Variants in ATP5MC3 observed in about 807,000 individuals in gnomAD.
ATP5MC3 encodes the protein ATP synthase membrane subunit c locus 3, also known as ATP synthase F(0) complex subunit C3, mitochondrial.
A neutral mutation model predicts 15.6 loss-of-function variants in ATP5MC3; 6 were observed. The ratio of observed to expected loss-of-function variants is 0.38; its 90% CI spans 0.21 to 0.76. The LOEUF (loss-of-function observed/expected upper bound fraction) is 0.76, where lower values mean the gene tolerates loss of function less well. ATP5MC3 is among the 30% of genes least tolerant of loss of function. The probability of loss-of-function intolerance (pLI) is 0.44; values close to 1 mark genes in which losing one functional copy is unlikely to be tolerated. For synonymous variants in ATP5MC3, 66 were observed against 63.3 expected, an observed-to-expected ratio of 1.04 and a Z score of -0.20; for missense variants, 132 against 171.2, an observed-to-expected ratio of 0.77 and a Z score of 1.28.
At chr2:175,179,983 G>T in intron 3 of ATP5MC3, 115 bp downstream of exon 3, 1 of 854,218 alleles carries the variant, frequency 1.2e-6, no homozygotes. Flanking sequence ...TTGGATAAAA[G>T]GGTGGGAAAG....
In ATP5MC3 at chr2:175,179,269, A is replaced by C. The variant is rs1354704218; in HGVS notation, c.121-19T>G. 6.3e-7 allele frequency: 1 copy of C among 1,593,992 alleles called. No homozygotes were observed. On this transcript the variant is annotated intron_variant, in intron 3 of 4. Transcript: ENST00000284727. ...TAGAGCCCTGGAAAACAGAAAATAA[A>C]GGTAAAGGTCGTATCAGTAACCACA...
Position 175,176,463 on chromosome 2 carries a change from A to G in ATP5MC3, c.*1825T>C, listed in dbSNP as rs1230605422. ...ATATTTACAATGTTGTGCAACCATC[A>G]CCACTAATTCATCAAATTTTAATAA... is the stretch of plus-strand genomic sequence containing the variant. On this transcript the variant is annotated 3_prime_UTR_variant, in exon 5 of 5. Transcript: ENST00000284727. The G allele has an allele frequency of 6.6e-6, 1 of 152,148 alleles. No homozygotes were observed. Among genetic ancestry groups the G allele is most frequent in the East Asian group, 1.9e-4 (1 of 5,200 alleles). 9.4% of individuals were successfully genotyped at this position (152,148 alleles called of 1,614,324 possible).
Position 175,178,069 on chromosome 2 carries a change from G to T in ATP5MC3, c.*219C>A. 1 of 787,416 alleles carries T rather than the reference G, an allele frequency of 1.3e-6. No individual in the cohort carries two copies. The highest frequency in any genetic ancestry group is 1.8e-6 in the Non-Finnish European group (1 of 564,578). The allele number at this position is 787,416 out of a possible 1,614,324, so 48.8% of individuals were successfully genotyped here. On this transcript the variant is annotated 3_prime_UTR_variant, in exon 5 of 5. Coordinates refer to ENST00000284727, the MANE Select transcript of ATP5MC3 (RefSeq NM_001689.5). Reference sequence around the variant, plus strand: ...CAACTGCTGTAGCTTCCTCTGAATGGGACAGCATCTGCCTGAATGCACGTT... The same window carrying T: ...CAACTGCTGTAGCTTCCTCTGAATGTGACAGCATCTGCCTGAATGCACGTT...
rs1700700535 is a variant in ATP5MC3, at chr2:175,177,244, TC to T, written c.*1043del. 1 of 152,150 alleles carries T rather than the reference TC, an allele frequency of 6.6e-6. No individual in the cohort carries two copies. The highest frequency in any genetic ancestry group is 2.4e-5 in the African/African-American group (1 of 41,450). 9.4% of individuals were successfully genotyped at this position (152,150 alleles called of 1,614,324 possible). ...GCACTGATTCTGATGGAGGTGGTCT[TC>T]CGACACTTGAGGAACTTTGGTGACT... On this transcript the variant is annotated 3_prime_UTR_variant, in exon 5 of 5. Transcript: ENST00000284727.
rs887956941 is a variant in ATP5MC3 at position 175,180,156 on chromosome 2, G to A, written c.62C>T (p.Ala21Val). The A allele has an allele frequency of 1.3e-6, 2 of 1,597,002 alleles. No individual in the cohort carries two copies. The highest frequency in any genetic ancestry group is 1.7e-6 in the Non-Finnish European group (2 of 1,176,022). Residue 21 changes from alanine (A) to valine (V), a missense_variant, in exon 3 of 5, where the codon GCA (alanine) becomes GTA (valine). This residue lies in a region of ATP5MC3 where 90 missense variants were observed against 86.2 expected (regional missense o/e 1.04). Coordinates refer to ENST00000284727, the MANE Select transcript of ATP5MC3 (RefSeq NM_001689.5). ...PSLIRAGSRV[A>V]YRPISASVLS... ...CACTGATGCAGAAATTGGTCTGTATGCAACTCTGGATCCAGCTCGGATCTA... is the reference window on the plus strand; with the variant it reads ...CACTGATGCAGAAATTGGTCTGTATACAACTCTGGATCCAGCTCGGATCTA...
chr2:175,181,181 G>A (rs1233632713), intron 2 of ATP5MC3, among the ~76,000 whole-genome samples, 174 bp downstream of exon 2: 2 of 152,250 alleles, frequency 1.3e-5, no homozygotes, highest in Non-Finnish European at 1.5e-5. Context: ...GGCAAGGAGA[G>A]GGCTGAGATG....
rs538162463 is a variant in ATP5MC3, at chr2:175,180,711, C to G, written c.40-533G>C. ...AAATATCTGACCATAAGGACATATT[C>G]CAGTCCAACTTCTCTGCCCTTGAGT... On this transcript the variant is annotated intron_variant, in intron 2 of 4. Transcript: ENST00000284727. Among the ~76,000 whole-genome samples, 3 of 152,300 alleles carry G rather than the reference C, an allele frequency of 2.0e-5. No individual in the cohort carries two copies. The South Asian group carries it at 6.2e-4, about 32-fold the overall frequency.
In ATP5MC3 at chr2:175,176,420, A is replaced by T. The variant is rs185020702; in HGVS notation, c.*1868T>A. The T allele has an allele frequency of 6.6e-6, 1 of 152,314 alleles. No individual in the cohort carries two copies. The highest frequency in any genetic ancestry group is 1.5e-5 in the Non-Finnish European group (1 of 68,030). The allele number at this position is 152,314 out of a possible 1,614,324, so 9.4% of individuals were successfully genotyped here. A position where few individuals can be genotyped will look rare whatever the true frequency, so the allele number is the denominator to read the frequency against. ...CCATTTTAACCACCTTAAAGTGTAC[A>T]ATTCAGTGACATTTATTATATTTAC... On this transcript the variant is annotated 3_prime_UTR_variant, in exon 5 of 5. Coordinates refer to ENST00000284727, the MANE Select transcript of ATP5MC3 (RefSeq NM_001689.5).
intron 4 of ATP5MC3, chr2:175,178,751 A>G (rs1315362345): frequency 2.6e-6 from 3 of 1,165,578 alleles, no homozygotes; most frequent in Non-Finnish European, 2.1e-6. Context: ...TTTATTCCCA[A>G]AATAGCTTAA....
At position 175,179,171 on chromosome 2, in the gene ATP5MC3, C is replaced by T. The variant is rs1291088912; in HGVS notation, c.200G>A (p.Arg67Lys). The T allele has an allele frequency of 6.2e-7, 1 of 1,614,216 alleles. No homozygotes were observed. Among genetic ancestry groups the T allele is most frequent in the Non-Finnish European group, 8.5e-7 (1 of 1,180,038 alleles). ...QREFQTSAIS[R>K]DIDTAAKFIG... is the part of the protein sequence containing the mutation. Reference sequence around the variant, plus strand: ...AAATTTGGCAGCAGTATCAATGTCTCTGCTGATTGCACTGGTCTGAAACTC... The same window carrying T: ...AAATTTGGCAGCAGTATCAATGTCTTTGCTGATTGCACTGGTCTGAAACTC... The change falls in exon 4 of 5, where the codon AGA becomes AAA. Residue 67 changes from arginine (R) to lysine (K), a missense_variant. Arg to Lys is a conservative substitution (Grantham distance 26). Around this residue, in one of 2 missense-constraint regions of ATP5MC3, gnomAD observed 90 missense variants for 86.2 expected, o/e 1.04. Transcript: ENST00000284727.
intron 3 of ATP5MC3, 170 bp downstream of exon 3, chr2:175,179,928 A>G (rs1446906962): frequency 7.3e-6 from 4 of 551,346 alleles, no homozygotes; most frequent in Non-Finnish European, 1.2e-5. Flanking sequence ...TATTCGTCTC[A>G]TCTAGTTTTT....
intron 3 of ATP5MC3, chr2:175,179,755 T>G (rs1257852684): frequency 9.0e-6 from 2 of 221,428 alleles, no homozygotes; most frequent in Non-Finnish European, 1.8e-5. Context: ...TCCTCCCTCC[T>G]TGGCCTCCCA....
rs1270316347 is a variant in ATP5MC3 at position 175,176,432 on chromosome 2, T to G, written c.*1856A>C. ...CCTTAAAGTGTACAATTCAGTGACA[T>G]TTATTATATTTACAATGTTGTGCAA... On this transcript the variant is annotated 3_prime_UTR_variant, in exon 5 of 5. Transcript: ENST00000284727. The G allele has an allele frequency of 6.6e-6, 1 of 152,180 alleles. No individual in the cohort carries two copies. The allele number at this position is 152,180 out of a possible 1,614,324, so 9.4% of individuals were successfully genotyped here.
chr2:175,176,802 T>C lies in ATP5MC3; in HGVS notation c.*1486A>G, dbSNP rs1700689633. ...AGGGTTCACTCACATCTATTCATTA[T>C]GTATCAGTGCCTCATTCCTTTTCAT... On this transcript the variant is annotated 3_prime_UTR_variant, in exon 5 of 5. Coordinates refer to ENST00000284727, the MANE Select transcript of ATP5MC3 (RefSeq NM_001689.5). 1 of 152,254 alleles carries C rather than the reference T, an allele frequency of 6.6e-6. No individual in the cohort carries two copies. The highest frequency in any genetic ancestry group is 2.4e-5 in the African/African-American group (1 of 41,468). The allele number at this position is 152,254 out of a possible 1,614,324, so 9.4% of individuals were successfully genotyped here.
rs377057593 is a variant in ATP5MC3, at chr2:175,179,794, C to T, written c.120+304G>A. Reference sequence around the variant, plus strand: ...TGCTAGGAACACAGGTGTGAGCCACCGCATCCAGTCCAATAGAGTACATTT... The same window carrying T: ...TGCTAGGAACACAGGTGTGAGCCACTGCATCCAGTCCAATAGAGTACATTT... On this transcript the variant is annotated intron_variant, in intron 3 of 4. Coordinates refer to ENST00000284727, the MANE Select transcript of ATP5MC3 (RefSeq NM_001689.5). 3.4e-3 allele frequency: 1,012 copies of T among 294,210 alleles called. 36 individuals carry two copies. In the South Asian group the frequency reaches 0.042, roughly 12 times the overall value. The allele number at this position is 294,210 out of a possible 1,614,324, so 18.2% of individuals were successfully genotyped here.
chr2:175,180,565 T>C (rs1700754782), intron 2 of ATP5MC3, among the ~76,000 whole-genome samples: 2 of 152,176 alleles, frequency 1.3e-5, no homozygotes, highest in Admixed American at 6.5e-5. Flanking sequence ...TCATTCAAAA[T>C]AGCCCAGCAG....
intron 3 of ATP5MC3, chr2:175,179,709 G>T: frequency 4.7e-6 from 1 of 214,040 alleles, no homozygotes; most frequent in Non-Finnish European, 9.2e-6. Context: ...CTTACTATGT[G>T]GCCCAGGCTG....
intron 2 of ATP5MC3, 95 bp downstream of exon 2, chr2:175,181,260 G>T: frequency 1.4e-6 from 2 of 1,445,614 alleles, no homozygotes; most frequent in Non-Finnish European, 1.9e-6. Flanking sequence ...AGAGGGCGGT[G>T]TGCCCCGCCC....
At chr2:175,181,493 A>C in intron 1 of ATP5MC3, 27 bp from the exon 2 acceptor site, 28 of 1,467,020 alleles carry the variant, frequency 1.9e-5, no homozygotes, top group Non-Finnish European at 2.4e-5. Flanking sequence ...GCTTAAGGTC[A>C]AGTGCCCTCC....
Sources: allele counts gnomAD v4.1 joint callset (sites outside exome capture counted in the v4.1 genomes callset), GRCh38; gene constraint gnomAD v4.1.1; regional missense constraint gnomAD v4.1.1; transcripts MANE v1.5; gene names NCBI Gene and HGNC (gene_info 2026-07-23, HGNC 2026-07-21).